NFE2L3: variants seen among roughly 807,000 people sequenced by gnomAD.
The protein encoded by NFE2L3 is NFE2 like bZIP transcription factor 3.
A neutral mutation model predicts 23.5 loss-of-function variants in NFE2L3; 18 were observed. That is an observed-to-expected ratio of 0.77 (90% CI 0.53 to 1.13). The LOEUF is 1.13. Ranked by LOEUF, NFE2L3 falls within the 50% of genes most tolerant of loss-of-function variation. The probability of loss-of-function intolerance (pLI) is 0.00; values close to 1 mark genes in which losing one functional copy is unlikely to be tolerated. For missense variants in NFE2L3, 1,152 were observed against 877.2 expected (o/e 1.31, Z -3.96); for synonymous variants, 424 against 354.5 (o/e 1.20, Z -2.20).
At chr7:26,183,806 ATCCTCG>A (rs1483965356) in intron 3 of NFE2L3, 22 bp downstream of exon 3, 1 of 1,522,992 alleles carries the variant, frequency 6.6e-7, no homozygotes, top group Non-Finnish European at 9.1e-7. Flanking sequence ...TTTGGCTTTT[ATCCTCG>A]CAGGAACATA....
At chr7:26,167,839 C>T (rs1784274170) in intron 1 of NFE2L3, among the ~76,000 whole-genome samples, 1 of 152,138 alleles carries the variant, frequency 6.6e-6, no homozygotes, top group Non-Finnish European at 1.5e-5. Flanking sequence ...TCTTCAGAAT[C>T]AAAAAGCAGT....
At chr7:26,167,769 TG>T (rs1480165221) in intron 1 of NFE2L3, among the ~76,000 whole-genome samples, 1 of 152,182 alleles carries the variant, frequency 6.6e-6, no homozygotes, top group Admixed American at 6.5e-5. Flanking sequence ...TAGGGCTAGC[TG>T]GTTTTGCTTT....
At chr7:26,157,678 C>T (rs1583925609) in intron 1 of NFE2L3, among the ~76,000 whole-genome samples, 1 of 152,198 alleles carries the variant, frequency 6.6e-6, no homozygotes, top group South Asian at 2.1e-4. Flanking sequence ...ATTTTGTTTA[C>T]TAAAGGAAGT....
chr7:26,161,335 C>CTTTTTT (rs914055111), intron 1 of NFE2L3, among the ~76,000 whole-genome samples: 4 of 69,574 alleles, frequency 5.7e-5, no homozygotes, highest in Non-Finnish European at 8.3e-5. Context: ...GCTTCTCTCT[C>CTTTTTT]TTTTTTTTTT....
At position 26,184,644 on chromosome 7, in the gene NFE2L3, C is replaced by A. The variant is rs777708189; in HGVS notation, c.946C>A (p.His316Asn). Residue 316 changes from histidine (H) to asparagine (N), a missense_variant, in exon 4 of 4, where the codon CAT becomes AAT. His to Asn is a moderately conservative substitution (Grantham distance 68, BLOSUM62 1). Transcript: ENST00000056233. Reference sequence around the variant, plus strand: ...GGCTATAAGTCAGGATGTGAATCTTCATGAGGCCATCTTGCTTTGTCCCAA... The same window carrying A: ...GGCTATAAGTCAGGATGTGAATCTTAATGAGGCCATCTTGCTTTGTCCCAA... Reference protein sequence around the residue: ...SQAISQDVNLHEAILLCPNNT... With the variant: ...SQAISQDVNLNEAILLCPNNT... The A allele has an allele frequency of 3.7e-6, 6 of 1,613,936 alleles. No homozygotes were observed. The highest frequency in any genetic ancestry group is 1.7e-4 in the Middle Eastern group (1 of 6,056).
rs150510968 is a variant in NFE2L3, at chr7:26,175,407, T to C, written c.571-2536T>C. ...GTTTGTTGTAAAATATTCACAGTTA[T>C]AGACACGTATAAAGTGAAGTAAACT... On this transcript the variant is annotated intron_variant, in intron 1 of 3. Coordinates refer to ENST00000056233, the MANE Select transcript of NFE2L3 (RefSeq NM_004289.7). Among the ~76,000 whole-genome samples the C allele has an allele frequency of 1.6e-4, 25 of 152,228 alleles. 1 individual carries two copies. In the East Asian group the frequency reaches 4.3e-3, roughly 26 times the overall value.
chr7:26,167,413 G>T (rs1199850910), intron 1 of NFE2L3, among the ~76,000 whole-genome samples: 1 of 152,166 alleles, frequency 6.6e-6, no homozygotes, highest in Non-Finnish European at 1.5e-5. Flanking sequence ...GATGTGGTAG[G>T]GCAGGCCTTT....
chr7:26,152,567 G>C lies in NFE2L3; in HGVS notation c.69G>C (p.Leu23Phe). 1 of 1,531,006 alleles carries C rather than the reference G, an allele frequency of 6.5e-7. No homozygotes were observed. Among genetic ancestry groups the C allele is most frequent in the South Asian group, 1.2e-5 (1 of 83,438 alleles). The allele number at this position is 1,531,006 out of a possible 1,614,324, so 94.8% of individuals were successfully genotyped here. A position where few individuals can be genotyped will look rare whatever the true frequency, so the allele number is the denominator to read the frequency against. ...TGCACCTCACCCTCCTGCTGAGCTT[G>C]GCGGGGCTCCGCGTAGACCTAGATC... The part of the protein sequence containing the change: ...GLLHLTLLLS[L>F]AGLRVDLDLY... Residue 23 changes from leucine (L) to phenylalanine (F), a missense_variant, in exon 1 of 4, where the codon TTG becomes TTC. Coordinates refer to ENST00000056233, the MANE Select transcript of NFE2L3 (RefSeq NM_004289.7). The surrounding 1 kb of genome is among the most constrained non-coding windows in gnomAD (Gnocchi z 4.4).
At chr7:26,156,395 T>G (rs1378742377) in intron 1 of NFE2L3, among the ~76,000 whole-genome samples, 1 of 152,228 alleles carries the variant, frequency 6.6e-6, no homozygotes, top group Non-Finnish European at 1.5e-5. Context: ...AGTTTTATAG[T>G]ATAATTTTCC....
chr7:26,185,801 A>ACT lies in NFE2L3; in HGVS notation c.*21_*22dup. ...GAAAGTGAGAAGAAACTGAAGATGG[A>ACT]CTCTATTATGTGAAGTAGTAATGTT... On this transcript the variant is annotated 3_prime_UTR_variant, in exon 4 of 4. Coordinates refer to ENST00000056233, the MANE Select transcript of NFE2L3 (RefSeq NM_004289.7). 1 of 1,566,282 alleles carries ACT rather than the reference A, an allele frequency of 6.4e-7. No homozygotes were observed. Among genetic ancestry groups the ACT allele is most frequent in the Non-Finnish European group, 8.6e-7 (1 of 1,163,674 alleles).
In NFE2L3 at chr7:26,185,016, TCTGTGTGTGATGAAGGTG is replaced by T; in HGVS notation, c.1321_1338del (p.Val441_Ala446del). ...TGTCATCAAGTCTAATTCCTCTCAC[TCTGTGTGTGATGAAGGTG>T]CTATAGGTTATTGCACTGACCATGA... On this transcript the variant is annotated inframe_deletion, in exon 4 of 4. Transcript: ENST00000056233. 1 of 1,613,794 alleles carries T rather than the reference TCTGTGTGTGATGAAGGTG, an allele frequency of 6.2e-7. No individual in the cohort carries two copies. Among genetic ancestry groups the T allele is most frequent in the Non-Finnish European group, 8.5e-7 (1 of 1,179,798 alleles).
chr7:26,168,338 T>G (rs1784281232), intron 1 of NFE2L3, among the ~76,000 whole-genome samples: 1 of 151,788 alleles, frequency 6.6e-6, no homozygotes, highest in African/African-American at 2.4e-5. Flanking sequence ...GGTTTCACCA[T>G]GTTGCCCAGA....
In NFE2L3 at chr7:26,186,040, G is replaced by C. The variant is rs1782477582; in HGVS notation, c.*257G>C. 2 of 308,108 alleles carry C rather than the reference G, an allele frequency of 6.5e-6. No individual in the cohort carries two copies. The highest frequency in any genetic ancestry group is 1.2e-5 in the Non-Finnish European group (2 of 168,592). 19.1% of individuals were successfully genotyped at this position (308,108 alleles called of 1,614,324 possible). On this transcript the variant is annotated 3_prime_UTR_variant, in exon 4 of 4. Transcript: ENST00000056233. Reference sequence around the variant, plus strand: ...AATTCATAGTTATGTCCAAAGAATAGGTTAACATGAAAACCCAGTAAGACT... The same window carrying C: ...AATTCATAGTTATGTCCAAAGAATACGTTAACATGAAAACCCAGTAAGACT...
intron 1 of NFE2L3, among the ~76,000 whole-genome samples, chr7:26,157,643 G>A (rs186872326): frequency 6.6e-6 from 1 of 152,274 alleles, no homozygotes; most frequent in African/African-American, 2.4e-5. Flanking sequence ...TTGCGTTTAT[G>A]ACAAGCGTTC....
In NFE2L3 at chr7:26,186,776, G is replaced by A. The variant is rs1384822236; in HGVS notation, c.*993G>A. On this transcript the variant is annotated 3_prime_UTR_variant, in exon 4 of 4. Transcript: ENST00000056233. ...GTTTAAAATGGGCAAAAGCGATTAA[G>A]GGAAAAAAAACAGGTGAATTTGAAA... The A allele has an allele frequency of 2.6e-5, 4 of 151,760 alleles. No individual in the cohort carries two copies. Among genetic ancestry groups the A allele is most frequent in the African/African-American group, 9.7e-5 (4 of 41,304 alleles). The allele number at this position is 151,760 out of a possible 1,614,324, so 9.4% of individuals were successfully genotyped here. A position where few individuals can be genotyped will look rare whatever the true frequency, so the allele number is the denominator to read the frequency against.
At chr7:26,165,542 C>T (rs1299642126) in intron 1 of NFE2L3, among the ~76,000 whole-genome samples, 1 of 152,206 alleles carries the variant, frequency 6.6e-6, no homozygotes, top group Non-Finnish European at 1.5e-5. Context: ...TTAAGGAGAT[C>T]TTGGGCTGAG....
chr7:26,163,629 G>T (rs539328457), intron 1 of NFE2L3, among the ~76,000 whole-genome samples: 1 of 152,282 alleles, frequency 6.6e-6, no homozygotes, highest in East Asian at 1.9e-4. Context: ...TTACAGGCGT[G>T]AGCTACCACA....
chr7:26,171,057 G>T (rs915598208), intron 1 of NFE2L3, among the ~76,000 whole-genome samples: 1 of 152,116 alleles, frequency 6.6e-6, no homozygotes, highest in Non-Finnish European at 1.5e-5. Context: ...ATCCATTGTT[G>T]GTAGGAATTA....
chr7:26,165,557 T>C (rs1427370568), intron 1 of NFE2L3, among the ~76,000 whole-genome samples: 1 of 152,242 alleles, frequency 6.6e-6, no homozygotes, highest in African/African-American at 2.4e-5. Flanking sequence ...GCTGAGACGA[T>C]GGGATTTTCT....
Sources: gnomAD v4.1 joint callset for allele counts (sites outside exome capture counted in the v4.1 genomes callset) on GRCh38, gnomAD v4.1.1 for gene constraint, Gnocchi (gnomAD v3.1) non-coding constraint, MANE v1.5 for transcripts, NCBI Gene and HGNC (gene_info 2026-07-23, HGNC 2026-07-21) for gene names.